Variants in APAF1 observed in about 807,000 individuals in gnomAD.
APAF1 encodes the protein apoptotic peptidase activating factor 1, also known as apoptotic protease-activating factor 1.
Under a neutral mutation model 152.4 loss-of-function variants are expected in APAF1, and 91 were observed. The observed-to-expected ratio is 0.60, with a 90% confidence interval of 0.50 to 0.71. The LOEUF (loss-of-function observed/expected upper bound fraction) is 0.71, where lower values mean the gene tolerates loss of function less well. Ranked by LOEUF, APAF1 falls within the 30% of genes least tolerant of loss-of-function variation. The pLI, the probability that APAF1 is intolerant of heterozygous loss-of-function variation, is 0.00. For synonymous variants in APAF1, 484 were observed against 494.1 expected (o/e 0.98, Z 0.27); for missense variants, 1,283 against 1,472.0 (o/e 0.87, Z 2.10).
chr12:98,664,075 A>G (rs996876536), intron 7 of APAF1, among the ~76,000 whole-genome samples: 1 of 152,036 alleles, frequency 6.6e-6, no homozygotes, highest in Non-Finnish European at 1.5e-5. Flanking sequence ...GCTGGAGTGC[A>G]GTGGTGCGAC....
At chr12:98,711,855 G>C (rs1055086502) in intron 20 of APAF1, among the ~76,000 whole-genome samples, 1 of 151,180 alleles carries the variant, frequency 6.6e-6, no homozygotes, top group Non-Finnish European at 1.5e-5. Context: ...AATTTACACT[G>C]TTTTGTGAGT....
chr12:98,672,469 G>T (rs2097681464), intron 12 of APAF1, among the ~76,000 whole-genome samples: 1 of 150,440 alleles, frequency 6.6e-6, no homozygotes. Flanking sequence ...CTGGCCTTCT[G>T]TGAAGATGTA....
chr12:98,667,680 T>C, intron 10 of APAF1, 36 bp downstream of exon 10: 1 of 1,605,790 alleles, frequency 6.2e-7, no homozygotes, highest in Non-Finnish European at 8.5e-7. Context: ...TTTATCTGAC[T>C]TCCCTTTTTC....
rs886649915 is a variant in APAF1 at position 98,735,125 on chromosome 12, G to GAGAT, written c.*2561_*2564dup. On this transcript the variant is annotated 3_prime_UTR_variant, in exon 27 of 27. Transcript: ENST00000551964. ...AAGACAAGGTAACATGAAGAAAGAA[G>GAGAT]AGATACCTAGTATGATGGAGCTGCA... is the stretch of plus-strand genomic sequence containing the variant. The GAGAT allele has an allele frequency of 5.0e-6, 2 of 398,494 alleles. No individual in the cohort carries two copies. The highest frequency in any genetic ancestry group is 8.8e-6 in the Non-Finnish European group (2 of 226,102). The allele number at this position is 398,494 out of a possible 1,614,324, so 24.7% of individuals were successfully genotyped here.
chr12:98,725,775 C>G (rs1251596222), intron 25 of APAF1, among the ~76,000 whole-genome samples: 1 of 152,154 alleles, frequency 6.6e-6, no homozygotes, highest in African/African-American at 2.4e-5. Context: ...AGCAAGTGCT[C>G]TAGTCATTTG....
rs374653081 is a variant in APAF1 at position 98,671,726 on chromosome 12, A to T, written c.1793+7A>T. The T allele has an allele frequency of 4.3e-6, 7 of 1,613,772 alleles. No individual in the cohort carries two copies. The highest frequency in any genetic ancestry group is 5.9e-6 in the Non-Finnish European group (7 of 1,179,786). ...TGCTTTACCTGGAATGGATGTAAGT[A>T]GGTTAGGAGAGAAACCAAAGGGAGT... is the stretch of plus-strand genomic sequence containing the variant. On this transcript the variant is annotated splice_region_variant and intron_variant, in intron 12 of 26. Coordinates refer to ENST00000551964, the MANE Select transcript of APAF1 (RefSeq NM_181861.2).
intron 10 of APAF1, among the ~76,000 whole-genome samples, chr12:98,670,010 G>T (rs2097678072): frequency 6.6e-6 from 1 of 151,420 alleles, no homozygotes; most frequent in Admixed American, 6.6e-5. Context: ...CATGATTTCA[G>T]CTGAAATCAC....
chr12:98,665,361 G>A (rs2097671336), intron 7 of APAF1, among the ~76,000 whole-genome samples, 192 bp from the exon 8 acceptor site: 2 of 144,374 alleles, frequency 1.4e-5, no homozygotes, highest in Admixed American at 1.4e-4. Context: ...GGAACTTACT[G>A]AATGAAATCT....
intron 13 of APAF1, among the ~76,000 whole-genome samples, chr12:98,678,770 C>T (rs1202538861): frequency 1.3e-5 from 2 of 152,248 alleles, no homozygotes; most frequent in Non-Finnish European, 2.9e-5. Flanking sequence ...GGGGCTGAGC[C>T]TGGGTGCTGT....
rs1431336930 is a variant in APAF1 at position 98,667,620 on chromosome 12, C to T, written c.1470C>T (p.His490=). ...CMYWYNFLAY[H]MASAKMHKEL... ...ATTGGTACAACTTTCTGGCCTATCACATGGCCAGTGCCAAGATGCACAAGG... is the reference window on the plus strand; with the variant it reads ...ATTGGTACAACTTTCTGGCCTATCATATGGCCAGTGCCAAGATGCACAAGG... The change falls in exon 10 of 27, where the codon CAC becomes CAT. Residue 490 remains histidine, a synonymous_variant. Transcript: ENST00000551964. 1.9e-6 allele frequency: 3 copies of T among 1,613,862 alleles called. No individual in the cohort carries two copies. Among genetic ancestry groups the T allele is most frequent in the Non-Finnish European group, 1.7e-6 (2 of 1,179,950 alleles).
In APAF1 at chr12:98,678,951, G is replaced by A. The variant is rs927067819; in HGVS notation, c.1921-1326G>A. 3.3e-5 allele frequency among the ~76,000 whole-genome samples: 5 copies of A among 152,324 alleles called. No individual in the cohort carries two copies. In the East Asian group the frequency reaches 9.7e-4, roughly 29 times the overall value. Reference sequence around the variant, plus strand: ...GCTCCCCTTGGCACCTACAGCCTGGGTGCCATTCATGGCAGCAGGAGGCAG... The same window carrying A: ...GCTCCCCTTGGCACCTACAGCCTGGATGCCATTCATGGCAGCAGGAGGCAG... On this transcript the variant is annotated intron_variant, in intron 13 of 26. Transcript: ENST00000551964.
chr12:98,673,442 C>CAAA (rs1162049645), intron 12 of APAF1, among the ~76,000 whole-genome samples: 56 of 89,220 alleles, frequency 6.3e-4, no homozygotes, highest in African/African-American at 2.2e-3. Flanking sequence ...TCTCAAAAAA[C>CAAA]AAAAAAAAAA....
intron 8 of APAF1, 75 bp from the exon 9 acceptor site, chr12:98,666,115 G>A (rs2097672368): frequency 2.2e-6 from 3 of 1,372,332 alleles, no homozygotes; most frequent in Non-Finnish European, 3.1e-6. Context: ...GTTTTTTTGT[G>A]TGTGTGATAA....
chr12:98,665,255 CATATATAT>C (rs35804742), intron 7 of APAF1, among the ~76,000 whole-genome samples: 1 of 97,872 alleles, frequency 1.0e-5, no homozygotes, highest in East Asian at 2.5e-4. Flanking sequence ...TAGACTGGCG[CATATATAT>C]ATATATATAT....
intron 16 of APAF1, 38 bp from the exon 17 acceptor site, chr12:98,699,370 A>G: frequency 6.3e-7 from 1 of 1,597,966 alleles, no homozygotes; most frequent in Non-Finnish European, 8.5e-7. Context: ...ATTATAGAGT[A>G]AAACAAACTT....
chr12:98,690,984 G>A lies in APAF1; in HGVS notation c.2304+4111G>A, dbSNP rs763599650. Reference sequence around the variant, plus strand: ...AGCACTTTGGGAGGCCGAGGTGGGCGGATCATGAGGTCAGGAGTTCGAGAC... The same window carrying A: ...AGCACTTTGGGAGGCCGAGGTGGGCAGATCATGAGGTCAGGAGTTCGAGAC... On this transcript the variant is annotated intron_variant, in intron 16 of 26. Coordinates refer to ENST00000551964, the MANE Select transcript of APAF1 (RefSeq NM_181861.2). 2.2e-4 allele frequency among the ~76,000 whole-genome samples: 33 copies of A among 152,042 alleles called. 1 individual carries two copies. The highest frequency in any genetic ancestry group is 1.2e-3 in the Admixed American group (18 of 15,268).
chr12:98,666,293 T>C lies in APAF1; in HGVS notation c.1298T>C (p.Phe433Ser). ...LLFCDRNGKS[F>S]RYYLHDLQVD... ...TTCTGTGATCGGAATGGAAAGTCGT[T>C]TCGTTATTATTTACATGATCTTCAA... The change falls in exon 9 of 27, where the codon TTT (phenylalanine) becomes TCT (serine). Residue 433 changes from phenylalanine (F) to serine (S), a missense_variant. By Grantham distance (155) the Phe-to-Ser change is radical. Coordinates refer to ENST00000551964, the MANE Select transcript of APAF1 (RefSeq NM_181861.2). The C allele has an allele frequency of 6.2e-7, 1 of 1,613,900 alleles. No individual in the cohort carries two copies. Among genetic ancestry groups the C allele is most frequent in the Non-Finnish European group, 8.5e-7 (1 of 1,179,910 alleles).
rs2097672498 is a variant in APAF1, at chr12:98,666,180, C to T, written c.1195-10C>T. The T allele has an allele frequency of 2.5e-6, 4 of 1,612,946 alleles. No homozygotes were observed. The highest frequency in any genetic ancestry group is 3.4e-6 in the Non-Finnish European group (4 of 1,179,034). ...TTTGTGGCATATTAAATACTTACAA[C>T]AATTCCTAGGTGTTATGTATTCTCT... is the stretch of plus-strand genomic sequence containing the variant. On this transcript the variant is annotated splice_polypyrimidine_tract_variant and intron_variant, in intron 8 of 26. Coordinates refer to ENST00000551964, the MANE Select transcript of APAF1 (RefSeq NM_181861.2).
In APAF1 at chr12:98,687,340, C is replaced by T. The variant is rs376505007; in HGVS notation, c.2304+467C>T. ...TCACGCCACTCCACTCCAGCCTGGG[C>T]GACAGAGTGAGACTCCGTCTCAAAA... On this transcript the variant is annotated intron_variant, in intron 16 of 26. Coordinates refer to ENST00000551964, the MANE Select transcript of APAF1 (RefSeq NM_181861.2). Among the ~76,000 whole-genome samples the T allele has an allele frequency of 1.9e-4, 27 of 145,826 alleles. 1 individual carries two copies. In the South Asian group the frequency reaches 5.2e-3, roughly 28 times the overall value.
Sources: allele counts gnomAD v4.1 joint callset (sites outside exome capture counted in the v4.1 genomes callset), GRCh38; gene constraint gnomAD v4.1.1; transcripts MANE v1.5; gene names NCBI Gene and HGNC (gene_info 2026-07-23, HGNC 2026-07-21).